Variants in PRKAG2 observed in about 807,000 individuals in gnomAD.
The protein encoded by PRKAG2 is protein kinase AMP-activated non-catalytic subunit gamma 2.
PRKAG2 carries 26 observed loss-of-function variants against 69.6 expected under a neutral mutation model. The ratio of observed to expected loss-of-function variants is 0.37; its 90% CI spans 0.27 to 0.52. The LOEUF (loss-of-function observed/expected upper bound fraction) is 0.52. Among genes scored for constraint, PRKAG2 ranks in the 20% least tolerant of loss-of-function variants. The pLI, the probability that PRKAG2 is intolerant of heterozygous loss-of-function variation, is 0.90. For synonymous variants in PRKAG2, 293 were observed against 285.0 expected, an observed-to-expected ratio of 1.03 and a Z score of -0.28; for missense variants, 557 against 740.0, an observed-to-expected ratio of 0.75 and a Z score of 2.87.
At chr7:151,800,630 CA>C (rs1232141207) in intron 1 of PRKAG2, among the ~76,000 whole-genome samples, 3 of 152,116 alleles carry the variant, frequency 2.0e-5, no homozygotes, top group Non-Finnish European at 4.4e-5. Flanking sequence ...AGAGGCAGGA[CA>C]ACCACCAAAG....
At chr7:151,557,307 T>G in intron 15 of PRKAG2, 75 bp from the exon 16 acceptor site, 1 of 1,612,958 alleles carries the variant, frequency 6.2e-7, no homozygotes, top group Non-Finnish European at 8.5e-7. Flanking sequence ...GGTTTCTACC[T>G]GTGTCTGGCA....
rs115811734 is a variant in PRKAG2 at position 151,759,042 on chromosome 7, T to C, written c.466+22110A>G. Among the ~76,000 whole-genome samples the C allele has an allele frequency of 8.9e-3, 1,362 of 152,272 alleles. 18 individuals carry two copies. The highest frequency in any genetic ancestry group is 0.03 in the African/African-American group (1,228 of 41,530). Reference sequence around the variant, plus strand: ...TGCATTGCATCCGATCGACATCCGATGGCTTTCTGTATCGCTCAATTAAAA... The same window carrying C: ...TGCATTGCATCCGATCGACATCCGACGGCTTTCTGTATCGCTCAATTAAAA... On this transcript the variant is annotated intron_variant, in intron 3 of 15. Transcript: ENST00000287878.
rs373697168 is a variant in PRKAG2 at position 151,877,101 on chromosome 7, C to T, written c.-481G>A. 23 of 192,456 alleles carry T rather than the reference C, an allele frequency of 1.2e-4. No homozygotes were observed. Among genetic ancestry groups the T allele is most frequent in the Non-Finnish European group, 1.2e-4 (11 of 90,808 alleles). The allele number at this position is 192,456 out of a possible 1,614,324, so 11.9% of individuals were successfully genotyped here. ...AAGCCCGTTCGTGCATAAATGTAAT[C>T]CTCGGCCGCAGAATAAACCAGCTCG... On this transcript the variant is annotated 5_prime_UTR_variant, in exon 1 of 16. Coordinates refer to ENST00000287878, the MANE Select transcript of PRKAG2 (RefSeq NM_016203.4).
intron 1 of PRKAG2, among the ~76,000 whole-genome samples, chr7:151,812,773 C>T (rs577143024): frequency 3.0e-4 from 45 of 152,308 alleles, no homozygotes; most frequent in Admixed American, 1.5e-3. Flanking sequence ...CAGGCTGGAC[C>T]GCAGGACACC....
chr7:151,682,298 T>C (rs551610280), intron 3 of PRKAG2, among the ~76,000 whole-genome samples: 3 of 152,252 alleles, frequency 2.0e-5, no homozygotes, highest in East Asian at 3.9e-4. Flanking sequence ...TGGGGTACAA[T>C]GGTATGATCA....
At chr7:151,620,941 G>A (rs954265161) in intron 5 of PRKAG2, among the ~76,000 whole-genome samples, 1 of 151,420 alleles carries the variant, frequency 6.6e-6, no homozygotes, top group Admixed American at 6.6e-5. Flanking sequence ...ACTTCCCAAA[G>A]GGCTGGGATT....
chr7:151,572,511 A>G, intron 9 of PRKAG2, 153 bp downstream of exon 9: 1 of 624,562 alleles, frequency 1.6e-6, no homozygotes, highest in South Asian at 2.0e-5. Context: ...TTAGTACAGT[A>G]GCATACTATC....
chr7:151,570,935 T>A (rs1023115217), intron 9 of PRKAG2, among the ~76,000 whole-genome samples: 5 of 151,716 alleles, frequency 3.3e-5, no homozygotes, highest in Admixed American at 6.6e-5. Context: ...ACCCTGCTAA[T>A]TTTTTTTGTA....
At chr7:151,834,791 T>G (rs1216745030) in intron 1 of PRKAG2, among the ~76,000 whole-genome samples, 1 of 152,146 alleles carries the variant, frequency 6.6e-6, no homozygotes, top group Non-Finnish European at 1.5e-5. Context: ...CTGGGGGGCT[T>G]TGAACAACAG....
intron 3 of PRKAG2, among the ~76,000 whole-genome samples, chr7:151,758,951 C>T (rs1310147192): frequency 3.3e-5 from 5 of 152,134 alleles, no homozygotes; most frequent in Admixed American, 2.0e-4. Flanking sequence ...ACTGCAGGGA[C>T]CCCTCACTGC....
intron 6 of PRKAG2, among the ~76,000 whole-genome samples, chr7:151,581,181 G>T (rs1810388296): frequency 6.6e-6 from 1 of 152,098 alleles, no homozygotes; most frequent in Non-Finnish European, 1.5e-5. Context: ...AGGAATAAAA[G>T]AACAAATCAA....
intron 3 of PRKAG2, among the ~76,000 whole-genome samples, chr7:151,752,204 C>T (rs775780223): frequency 3.3e-5 from 5 of 152,184 alleles, no homozygotes; most frequent in Admixed American, 6.5e-5. Context: ...ATATGTGCTG[C>T]GGAATATTAC....
chr7:151,727,318 G>A (rs963785276), intron 3 of PRKAG2, among the ~76,000 whole-genome samples: 2 of 152,226 alleles, frequency 1.3e-5, no homozygotes, highest in Non-Finnish European at 2.9e-5. Context: ...CCTCCAGGAG[G>A]AGGCAGGGCC....
At chr7:151,736,245 C>T (rs1799781769) in intron 3 of PRKAG2, 1 of 1,352,736 alleles carries the variant, frequency 7.4e-7, no homozygotes. Flanking sequence ...CCTGACGGGG[C>T]TGCACCTCCG....
Position 151,698,478 on chromosome 7 carries a change from G to A in PRKAG2, c.467-22841C>T, listed in dbSNP as rs923437839. On this transcript the variant is annotated intron_variant, in intron 3 of 15. Coordinates refer to ENST00000287878, the MANE Select transcript of PRKAG2 (RefSeq NM_016203.4). ...AGTCTGGGTCATGGGGGCGAATGTCGTGGTGCTGTCCTCGTGGTAGTGAAT... is the reference window on the plus strand; with the variant it reads ...AGTCTGGGTCATGGGGGCGAATGTCATGGTGCTGTCCTCGTGGTAGTGAAT... Among the ~76,000 whole-genome samples the A allele has an allele frequency of 4.6e-5, 7 of 152,194 alleles. No individual in the cohort carries two copies. The East Asian group carries it at 5.8e-4, about 13-fold the overall frequency.
At chr7:151,730,513 A>G (rs1382111808) in intron 3 of PRKAG2, among the ~76,000 whole-genome samples, 1 of 152,218 alleles carries the variant, frequency 6.6e-6, no homozygotes, top group Non-Finnish European at 1.5e-5. Context: ...TTAAAAACAA[A>G]TTTAAAAAGT....
Position 151,740,797 on chromosome 7 carries a change from G to T in PRKAG2, c.466+40355C>A, listed in dbSNP as rs1325334206. 2.0e-5 allele frequency among the ~76,000 whole-genome samples: 3 copies of T among 152,250 alleles called. No homozygotes were observed. The East Asian group carries it at 5.8e-4, about 29-fold the overall frequency. On this transcript the variant is annotated intron_variant, in intron 3 of 15. Transcript: ENST00000287878. ...TTGAGATGGGCCTTCAGGGTTGGAG[G>T]GTGTGAAGAAGAGGGGGGAACCCAG...
intron 1 of PRKAG2, chr7:151,806,475 G>C: frequency 6.4e-6 from 1 of 155,950 alleles, no homozygotes; most frequent in Non-Finnish European, 1.4e-5. Flanking sequence ...AGGCAAACGA[G>C]AACAGCAAGT....
At chr7:151,755,310 T>G (rs1586305657) in intron 3 of PRKAG2, among the ~76,000 whole-genome samples, 1 of 151,898 alleles carries the variant, frequency 6.6e-6, no homozygotes, top group Non-Finnish European at 1.5e-5. Flanking sequence ...GGCTCCAGGG[T>G]GTTTTCTAGC....
Sources: allele counts gnomAD v4.1 joint callset (sites outside exome capture counted in the v4.1 genomes callset), GRCh38; gene constraint gnomAD v4.1.1; transcripts MANE v1.5; gene names NCBI Gene and HGNC (gene_info 2026-07-23, HGNC 2026-07-21).